PBRM1: variants seen among roughly 807,000 people sequenced by gnomAD.
The protein encoded by PBRM1 is polybromo 1, also known as protein polybromo-1.
In PBRM1, 27 loss-of-function variants were observed where a neutral mutation model predicts 194.5. The ratio of observed to expected loss-of-function variants is 0.14; its 90% CI spans 0.10 to 0.19. PBRM1 has a LOEUF of 0.19. PBRM1 is among the 10% of genes least tolerant of loss of function. PBRM1 has a pLI of 1.00. For synonymous variants in PBRM1, 655 were observed against 693.2 expected, an observed-to-expected ratio of 0.94 and a Z score of 0.87; for missense variants, 1,466 against 2,077.2, an observed-to-expected ratio of 0.71 and a Z score of 5.72.
chr3:52,643,123 C>T (rs2096169405), intron 9 of PBRM1, 125 bp downstream of exon 10: 2 of 726,454 alleles, frequency 2.8e-6, no homozygotes, highest in African/African-American at 3.4e-5. Flanking sequence ...CATTTGACAA[C>T]AGATTCTCAT....
chr3:52,637,773 CAAAAAAAAAA>C (rs755241328), intron 10 of PBRM1, among the ~76,000 whole-genome samples: 9 of 42,234 alleles, frequency 2.1e-4, no homozygotes, highest in East Asian at 7.9e-4. Flanking sequence ...ACTAAAAATA[CAAAAAAAAAA>C]AAAAAAAAAA....
chr3:52,645,530 T>C (rs977055091), intron 7 of PBRM1, among the ~76,000 whole-genome samples: 1 of 151,830 alleles, frequency 6.6e-6, no homozygotes, highest in Non-Finnish European at 1.5e-5. Context: ...TTTCCTTTCT[T>C]AAGTCAAGAA....
intron 13 of PBRM1, among the ~76,000 whole-genome samples, chr3:52,617,949 A>G (rs917703529): frequency 6.6e-6 from 1 of 152,220 alleles, no homozygotes; most frequent in East Asian, 1.9e-4. Context: ...TTCCAAGTAC[A>G]AAAACAAAAC....
At chr3:52,595,785 T>C (rs991992683) in intron 17 of PBRM1, among the ~76,000 whole-genome samples, 12 of 152,228 alleles carry the variant, frequency 7.9e-5, no homozygotes, top group African/African-American at 2.9e-4. Flanking sequence ...TTTCAGGTAT[T>C]AGATTTAAGT....
rs544363121 is a variant in PBRM1 at position 52,663,991 on chromosome 3, C to T, written c.385-1715G>A. 3.0e-4 allele frequency among the ~76,000 whole-genome samples: 45 copies of T among 149,702 alleles called. No individual in the cohort carries two copies. The East Asian group carries it at 8.5e-3, about 28-fold the overall frequency. On this transcript the variant is annotated intron_variant, in intron 3 of 29. Transcript: ENST00000296302. The stretch of plus-strand genomic sequence containing the variant: ...AGGAGAATGGCGTGAACCGGGGAGG[C>T]GGAGCTTGCAGTAAGCCGAGATAGC...
At chr3:52,619,496 TA>T (rs1417146490) in intron 13 of PBRM1, among the ~76,000 whole-genome samples, 1 of 152,218 alleles carries the variant, frequency 6.6e-6, no homozygotes, top group Non-Finnish European at 1.5e-5. Context: ...AAGATGCAAT[TA>T]AAAAATTTTT....
intron 10 of PBRM1, among the ~76,000 whole-genome samples, chr3:52,638,551 G>A (rs548268905): frequency 1.5e-4 from 23 of 151,776 alleles, no homozygotes; most frequent in Non-Finnish European, 3.1e-4. Flanking sequence ...TAGAGACGGG[G>A]ATTCACCATG....
intron 8 of PBRM1, among the ~76,000 whole-genome samples, chr3:52,643,906 A>G (rs2096207198): frequency 6.6e-6 from 1 of 151,854 alleles, no homozygotes; most frequent in Non-Finnish European, 1.5e-5. Context: ...TGGGAGGTGG[A>G]GGTTGCAGTG....
At chr3:52,647,457 A>AATATATATATATATAT (rs199916798) in intron 7 of PBRM1, among the ~76,000 whole-genome samples, 5 of 47,872 alleles carry the variant, frequency 1.0e-4, no homozygotes, top group African/African-American at 1.8e-4. Context: ...AAAAAAAAAA[A>AATATATATATATATAT]ATATATATAT....
rs1576790702 is a variant in PBRM1 at position 52,615,869 on chromosome 3, T to C, written c.1819-413A>G. 2.0e-5 allele frequency among the ~76,000 whole-genome samples: 3 copies of C among 152,206 alleles called. No homozygotes were observed. In the East Asian group the frequency reaches 5.8e-4, roughly 29 times the overall value. On this transcript the variant is annotated intron_variant, in intron 14 of 29. Coordinates refer to ENST00000296302, the Ensembl canonical transcript of PBRM1. ...ATAGTTGGAGAGCAATATCTCAATA[T>C]CTTAAATTCCAAATCTGAGTTCACA...
chr3:52,652,573 C>T (rs1446778270), intron 5 of PBRM1, among the ~76,000 whole-genome samples: 1 of 151,594 alleles, frequency 6.6e-6, no homozygotes, highest in Non-Finnish European at 1.5e-5. Flanking sequence ...AACTATAGTC[C>T]CAGCTACTCT....
intron 18 of PBRM1, 147 bp downstream of exon 20, chr3:52,588,923 G>T (rs2153803503): frequency 1.7e-6 from 1 of 605,280 alleles, no homozygotes. Context: ...TTCATATGAT[G>T]GGTGCTTACT....
At chr3:52,632,221 T>C (rs2095640894) in intron 11 of PBRM1, among the ~76,000 whole-genome samples, 1 of 152,304 alleles carries the variant, frequency 6.6e-6, no homozygotes, top group East Asian at 1.9e-4. Flanking sequence ...TTTTTGACTT[T>C]CAGAGATATC....
intron 21 of PBRM1, 37 bp downstream of exon 23, chr3:52,579,017 G>C (rs1437287934): frequency 6.2e-7 from 1 of 1,608,726 alleles, no homozygotes; most frequent in Non-Finnish European, 8.5e-7. Flanking sequence ...AAATTTCTCA[G>C]ATTCAACCTC....
At chr3:52,626,888 G>A (rs2153574648) in intron 13 of PBRM1, among the ~76,000 whole-genome samples, 1 of 152,126 alleles carries the variant, frequency 6.6e-6, no homozygotes, top group African/African-American at 2.4e-5. Context: ...TCACTGCAGT[G>A]GTAGTATCAA....
intron 28 of PBRM1, 41 bp downstream of exon 30, chr3:52,550,706 G>A (rs1356161255): frequency 5.0e-6 from 8 of 1,588,632 alleles, no homozygotes; most frequent in South Asian, 3.3e-5. Flanking sequence ...AGGATAACTC[G>A]AATTCTGTCA....
At chr3:52,578,370 T>G (rs1323626320) in intron 21 of PBRM1, among the ~76,000 whole-genome samples, 1 of 152,194 alleles carries the variant, frequency 6.6e-6, no homozygotes, top group African/African-American at 2.4e-5. Context: ...TGGTAAATAG[T>G]AGGTATAATA....
intron 20 of PBRM1, among the ~76,000 whole-genome samples, chr3:52,580,429 G>A (rs1370240026): frequency 6.6e-6 from 1 of 152,010 alleles, no homozygotes; most frequent in Admixed American, 6.6e-5. Context: ...CGCGATATTG[G>A]CTCACTGCAA....
Position 52,564,240 on chromosome 3 carries a change from G to C in PBRM1, c.3692-7C>G. 1.2e-6 allele frequency: 2 copies of C among 1,603,858 alleles called. No individual in the cohort carries two copies. Among genetic ancestry groups the C allele is most frequent in the Non-Finnish European group, 1.7e-6 (2 of 1,172,060 alleles). ...GACAACACAGCACACTTTCCTGAAA[G>C]AGAAAATTAGAAAGAAATTAAAGGA... On this transcript the variant is annotated splice_region_variant and splice_polypyrimidine_tract_variant and intron_variant, in intron 22 of 29. Coordinates refer to ENST00000296302, the Ensembl canonical transcript of PBRM1.
Sources: gnomAD v4.1 joint callset for allele counts (sites outside exome capture counted in the v4.1 genomes callset) on GRCh38, gnomAD v4.1.1 for gene constraint, MANE v1.5 for transcripts, NCBI Gene and HGNC (gene_info 2026-07-23, HGNC 2026-07-21) for gene names.